CACNA2D3: variants seen among roughly 807,000 people sequenced by gnomAD.
The protein encoded by CACNA2D3 is voltage-dependent calcium channel subunit alpha-2/delta-3.
CACNA2D3 carries 60 observed loss-of-function variants against 160.6 expected under a neutral mutation model. That is an observed-to-expected ratio of 0.37 (90% CI 0.30 to 0.46). CACNA2D3 has a LOEUF of 0.46. Ranked by LOEUF, CACNA2D3 falls within the 20% of genes least tolerant of loss-of-function variation. The pLI is 1.00. For synonymous variants in CACNA2D3, 558 were observed against 492.9 expected, an observed-to-expected ratio of 1.13 and a Z score of -1.75; for missense variants, 1,205 against 1,365.0, an observed-to-expected ratio of 0.88 and a Z score of 1.85.
chr3:55,071,409 T>C (rs1704802504), intron 35 of CACNA2D3, among the ~76,000 whole-genome samples: 1 of 152,204 alleles, frequency 6.6e-6, no homozygotes, highest in Non-Finnish European at 1.5e-5. Flanking sequence ...GCTATCCATA[T>C]TGATCAGGTT....
intron 11 of CACNA2D3, among the ~76,000 whole-genome samples, chr3:54,716,506 T>C (rs1701052509): frequency 6.6e-6 from 1 of 152,148 alleles, no homozygotes; most frequent in Non-Finnish European, 1.5e-5. Context: ...CATCTTACAC[T>C]CAGTAAATCT....
intron 11 of CACNA2D3, among the ~76,000 whole-genome samples, chr3:54,683,323 G>T (rs1384424618): frequency 3.9e-5 from 6 of 152,160 alleles, no homozygotes; most frequent in Non-Finnish European, 8.8e-5. Flanking sequence ...TGTATGGACT[G>T]CCTTGCTATG....
chr3:54,198,254 A>G (rs1304181931), intron 2 of CACNA2D3, among the ~76,000 whole-genome samples: 1 of 152,232 alleles, frequency 6.6e-6, no homozygotes, highest in African/African-American at 2.4e-5. Flanking sequence ...TCTGAGGACA[A>G]GAGGCCTGAC....
chr3:54,751,058 C>T (rs908457584), intron 11 of CACNA2D3, among the ~76,000 whole-genome samples: 1 of 152,146 alleles, frequency 6.6e-6, no homozygotes, highest in African/African-American at 2.4e-5. Context: ...GTGTGAGCCA[C>T]TGCGCTCAGC....
At chr3:54,485,119 A>G (rs1700995937) in intron 4 of CACNA2D3, among the ~76,000 whole-genome samples, 1 of 152,082 alleles carries the variant, frequency 6.6e-6, no homozygotes, top group African/African-American at 2.4e-5. Context: ...TGCTGGGATT[A>G]CAGGCATGAG....
At position 54,819,484 on chromosome 3, in the gene CACNA2D3, G is replaced by A. The variant is rs1921540; in HGVS notation, c.1398+2614G>A. ...CCAATGTTTTGTGATTCTGACTCAA[G>A]CCTAATGAATAACTGGGAGAGGGCA... On this transcript the variant is annotated intron_variant, in intron 14 of 37. Transcript: ENST00000474759. Among the ~76,000 whole-genome samples, 812 of 152,230 alleles carry A rather than the reference G, an allele frequency of 5.3e-3. 9 individuals are homozygous for A. The highest frequency in any genetic ancestry group is 0.017 in the African/African-American group (721 of 41,552).
chr3:54,841,935 G>A (rs1698828259), intron 16 of CACNA2D3, among the ~76,000 whole-genome samples: 1 of 152,182 alleles, frequency 6.6e-6, no homozygotes, highest in Non-Finnish European at 1.5e-5. Flanking sequence ...GTGCTGGAAG[G>A]CCTTGTGTCC....
intron 5 of CACNA2D3, among the ~76,000 whole-genome samples, chr3:54,506,718 G>T (rs954674362): frequency 6.6e-6 from 1 of 152,150 alleles, no homozygotes; most frequent in Admixed American, 6.5e-5. Flanking sequence ...CTTTTTTCAT[G>T]AAACTCCTTC....
chr3:54,460,457 G>A (rs1414398209), intron 4 of CACNA2D3, among the ~76,000 whole-genome samples: 1 of 152,158 alleles, frequency 6.6e-6, no homozygotes, highest in African/African-American at 2.4e-5. Context: ...TCATTGAGCA[G>A]TGGTTTGTAG....
At chr3:54,602,497 CAAAAAAAAAAA>C (rs1156290031) in intron 9 of CACNA2D3, among the ~76,000 whole-genome samples, 2 of 71,212 alleles carry the variant, frequency 2.8e-5, no homozygotes, top group African/African-American at 5.5e-5. Context: ...GATTCCATCT[CAAAAAAAAAAA>C]AAAAAAAAAA....
intron 8 of CACNA2D3, among the ~76,000 whole-genome samples, chr3:54,579,459 G>A (rs1457758280): frequency 6.6e-6 from 1 of 152,146 alleles, no homozygotes; most frequent in South Asian, 2.1e-4. Flanking sequence ...GTATAGATGA[G>A]TTTTCCCTTA....
At chr3:55,030,903 T>C (rs1005731362) in intron 35 of CACNA2D3, among the ~76,000 whole-genome samples, 4 of 152,100 alleles carry the variant, frequency 2.6e-5, no homozygotes, top group African/African-American at 9.7e-5. Context: ...CCTGAGTCCA[T>C]GATATAAAAT....
chr3:54,710,075 T>C (rs1700928207), intron 11 of CACNA2D3, among the ~76,000 whole-genome samples: 1 of 152,212 alleles, frequency 6.6e-6, no homozygotes, highest in African/African-American at 2.4e-5. Flanking sequence ...TTGCTAAATA[T>C]TCATTTGTTC....
chr3:54,356,625 A>C (rs1418606079), intron 3 of CACNA2D3, among the ~76,000 whole-genome samples: 1 of 152,132 alleles, frequency 6.6e-6, no homozygotes, highest in Non-Finnish European at 1.5e-5. Flanking sequence ...AAAAATGGGA[A>C]GTAGATGGGA....
chr3:54,582,432 C>A (rs1702693507), intron 9 of CACNA2D3, among the ~76,000 whole-genome samples: 1 of 152,200 alleles, frequency 6.6e-6, no homozygotes, highest in South Asian at 2.1e-4. Context: ...GGTTTCCCCT[C>A]CAGTTTTGGA....
intron 12 of CACNA2D3, among the ~76,000 whole-genome samples, chr3:54,761,471 A>G (rs1223576567): frequency 6.6e-6 from 1 of 152,194 alleles, no homozygotes; most frequent in Non-Finnish European, 1.5e-5. Flanking sequence ...CCATGCTTGG[A>G]GAGATGATAA....
chr3:54,776,757 C>T (rs2107121924), intron 13 of CACNA2D3, among the ~76,000 whole-genome samples: 1 of 152,250 alleles, frequency 6.6e-6, no homozygotes. Flanking sequence ...CTCCTTTAAG[C>T]CCCAGTGGAC....
At chr3:54,868,353 C>T (rs942020110) in intron 17 of CACNA2D3, among the ~76,000 whole-genome samples, 2 of 152,146 alleles carry the variant, frequency 1.3e-5, no homozygotes, top group Non-Finnish European at 2.9e-5. Context: ...GAGGAAGTAT[C>T]CCTACCCCCG....
chr3:54,826,337 G>A (rs1455726390), intron 14 of CACNA2D3, among the ~76,000 whole-genome samples: 1 of 152,138 alleles, frequency 6.6e-6, no homozygotes, highest in African/African-American at 2.4e-5. Context: ...GGGTAAACTG[G>A]AGCAGTTGTG....
Sources: gnomAD v4.1 joint callset for allele counts (sites outside exome capture counted in the v4.1 genomes callset) on GRCh38, gnomAD v4.1.1 for gene constraint, MANE v1.5 for transcripts, NCBI Gene and HGNC (gene_info 2026-07-23, HGNC 2026-07-21) for gene names.